Variants in LRRC3B observed in about 807,000 individuals in gnomAD.
The protein encoded by LRRC3B is leucine-rich repeat-containing protein 3B.
Under a neutral mutation model 12.8 loss-of-function variants are expected in LRRC3B, and 2 were observed. The observed-to-expected ratio is 0.16, with a 90% CI of 0.06 to 0.49. LRRC3B has a LOEUF of 0.49. LRRC3B is among the 20% of genes least tolerant of loss of function. The pLI is 0.96. For synonymous variants in LRRC3B, 132 were observed against 122.0 expected (o/e 1.08, Z -0.54); for missense variants, 189 against 319.4 (o/e 0.59, Z 3.11).
At chr3:26,675,475 A>G (rs1178959101) in intron 1 of LRRC3B, among the ~76,000 whole-genome samples, 1 of 152,206 alleles carries the variant, frequency 6.6e-6, no homozygotes. Context: ...GTGGCATGGA[A>G]ACAGTTAATT....
chr3:26,698,596 T>G (rs1443964395), intron 1 of LRRC3B, among the ~76,000 whole-genome samples: 1 of 152,082 alleles, frequency 6.6e-6, no homozygotes, highest in Non-Finnish European at 1.5e-5. Context: ...TACCCCAAAT[T>G]TTTACTTGAA....
intron 1 of LRRC3B, among the ~76,000 whole-genome samples, chr3:26,655,019 T>C (rs1699341181): frequency 6.6e-6 from 1 of 152,166 alleles, no homozygotes; most frequent in Non-Finnish European, 1.5e-5. Flanking sequence ...AAAGGATATC[T>C]ACGTCTTCAT....
At chr3:26,645,061 A>C (rs1699114478) in intron 1 of LRRC3B, among the ~76,000 whole-genome samples, 1 of 152,208 alleles carries the variant, frequency 6.6e-6, no homozygotes, top group Non-Finnish European at 1.5e-5. Context: ...GGGAAAGCAA[A>C]CATGACAGAA....
At chr3:26,624,600 G>A (rs766295018) in intron 1 of LRRC3B, 1 of 152,822 alleles carries the variant, frequency 6.5e-6, no homozygotes, top group Non-Finnish European at 1.5e-5. Context: ...TGGGCGGAGC[G>A]AGGGAGTGGG....
At chr3:26,686,236 C>A (rs991447506) in intron 1 of LRRC3B, among the ~76,000 whole-genome samples, 3 of 152,052 alleles carry the variant, frequency 2.0e-5, no homozygotes, top group Non-Finnish European at 2.9e-5. Flanking sequence ...CCCGCCACCA[C>A]GCCCGGCTAA....
intron 1 of LRRC3B, among the ~76,000 whole-genome samples, chr3:26,641,829 A>C (rs1444787144): frequency 6.6e-6 from 1 of 152,222 alleles, no homozygotes; most frequent in Non-Finnish European, 1.5e-5. Context: ...AGTAGTTCTC[A>C]AACTTTTTGG....
rs1298635555 is a variant in LRRC3B at position 26,691,103 on chromosome 3, G to GTATATATATA, written c.-160-18409_-160-18408insATATATATAT. ...TGTGTGTGTGTATATGTGTGTGTGTGTGTATATATATATATATATATATAT... is the reference window on the plus strand; with the variant it reads ...TGTGTGTGTGTATATGTGTGTGTGTGTATATATATATGTATATATATATATATATATATAT... On this transcript the variant is annotated intron_variant, in intron 1 of 1. Coordinates refer to ENST00000396641, the Ensembl canonical transcript of LRRC3B. Among the ~76,000 whole-genome samples, 349 of 44,848 alleles carry GTATATATATA rather than the reference G, an allele frequency of 7.8e-3. 1 individual carries two copies. The highest frequency in any genetic ancestry group is 0.04 in the Middle Eastern group (2 of 50). The allele number at this position is 44,848 out of a possible 152,430, so 29.4% of individuals were successfully genotyped here.
chr3:26,651,652 C>T lies in LRRC3B; in HGVS notation c.-161+28415C>T, dbSNP rs552460375. Among the ~76,000 whole-genome samples, 4 of 152,290 alleles carry T rather than the reference C, an allele frequency of 2.6e-5. No homozygotes were observed. In the South Asian group the frequency reaches 8.3e-4, roughly 32 times the overall value. ...AGTGTAGTAACATATTCTGAAGAGA[C>T]ATTTCATCTCTTCTCTCTGGGGCTC... On this transcript the variant is annotated intron_variant, in intron 1 of 1. Coordinates refer to ENST00000396641, the Ensembl canonical transcript of LRRC3B.
chr3:26,700,350 T>C (rs1700422843), intron 1 of LRRC3B, among the ~76,000 whole-genome samples: 1 of 152,090 alleles, frequency 6.6e-6, no homozygotes, highest in African/African-American at 2.4e-5. Flanking sequence ...ATATAAAAAG[T>C]GGCCAGGAAA....
rs553623234 is a variant in LRRC3B, at chr3:26,641,532, G to C, written c.-161+18295G>C. On this transcript the variant is annotated intron_variant, in intron 1 of 1. Transcript: ENST00000396641. ...GGAAATCTGGGAAACATGTTCCCAC[G>C]TAGCTAAGTCAACACAATAGAAAAC... is the stretch of plus-strand genomic sequence containing the variant. 6.6e-5 allele frequency among the ~76,000 whole-genome samples: 10 copies of C among 152,252 alleles called. No individual in the cohort carries two copies. In the East Asian group the frequency reaches 1.2e-3, roughly 18 times the overall value.
At position 26,638,598 on chromosome 3, in the gene LRRC3B, A is replaced by T. The variant is rs527922359; in HGVS notation, c.-161+15361A>T. Among the ~76,000 whole-genome samples, 6 of 152,354 alleles carry T rather than the reference A, an allele frequency of 3.9e-5. No homozygotes were observed. The East Asian group carries it at 1.2e-3, about 29-fold the overall frequency. On this transcript the variant is annotated intron_variant, in intron 1 of 1. Transcript: ENST00000396641. ...AATAAGACCTGCAGATGGGATTATA[A>T]AAAGAATGTAATTTACTGGTTGTTA...
chr3:26,707,228 G>T (rs964590249), intron 1 of LRRC3B, among the ~76,000 whole-genome samples: 3 of 151,220 alleles, frequency 2.0e-5, no homozygotes, highest in Admixed American at 1.3e-4. Flanking sequence ...AGCTGGGCGT[G>T]GTGGTGTGTG....
chr3:26,637,599 T>C (rs1439865730), intron 1 of LRRC3B, among the ~76,000 whole-genome samples: 1 of 152,224 alleles, frequency 6.6e-6, no homozygotes, highest in Non-Finnish European at 1.5e-5. Context: ...CCATCTCTAG[T>C]AATACGTGGA....
intron 1 of LRRC3B, among the ~76,000 whole-genome samples, chr3:26,644,222 G>A (rs1220462146): frequency 6.6e-6 from 1 of 152,234 alleles, no homozygotes; most frequent in Admixed American, 6.5e-5. Context: ...CTTGAAGGTA[G>A]TATTCGAGTG....
intron 1 of LRRC3B, among the ~76,000 whole-genome samples, chr3:26,626,884 A>C (rs1420766797): frequency 6.6e-6 from 1 of 152,176 alleles, no homozygotes; most frequent in Non-Finnish European, 1.5e-5. Context: ...GAGTTGCTTC[A>C]TCCTTCTGCA....
chr3:26,649,750 A>G (rs1265465686), intron 1 of LRRC3B, among the ~76,000 whole-genome samples: 1 of 152,200 alleles, frequency 6.6e-6, no homozygotes, highest in Non-Finnish European at 1.5e-5. Flanking sequence ...TAAACTATCT[A>G]TAATGCCAAA....
intron 1 of LRRC3B, among the ~76,000 whole-genome samples, chr3:26,708,948 T>C (rs752974724): frequency 2.0e-5 from 3 of 152,220 alleles, no homozygotes; most frequent in Non-Finnish European, 4.4e-5. Flanking sequence ...TCCTGGAGGT[T>C]CTTGGTTGTC....
Position 26,709,935 on chromosome 3 carries a change from A to ATCAACTGAGAGTTCTCAACCTGT in LRRC3B, c.264_286dup (p.Ser96PhefsTer3). ...CCCAATGAAATTTTTAAGGACCTCC[A>ATCAACTGAGAGTTCTCAACCTGT]TCAACTGAGAGTTCTCAACCTGTCC... On this transcript the variant is annotated frameshift_variant, in exon 2 of 2. Coordinates refer to ENST00000396641, the Ensembl canonical transcript of LRRC3B. LOFTEE classifies it high-confidence loss of function. 6.2e-7 allele frequency: 1 copy of ATCAACTGAGAGTTCTCAACCTGT among 1,614,130 alleles called. No homozygotes were observed. Among genetic ancestry groups the ATCAACTGAGAGTTCTCAACCTGT allele is most frequent in the Non-Finnish European group, 8.5e-7 (1 of 1,180,024 alleles).
At chr3:26,638,007 T>A (rs1422285801) in intron 1 of LRRC3B, among the ~76,000 whole-genome samples, 3 of 152,236 alleles carry the variant, frequency 2.0e-5, no homozygotes, top group African/African-American at 7.2e-5. Flanking sequence ...ATTTGAACTT[T>A]CCAATTTTGC....
Sources: allele counts gnomAD v4.1 joint callset (sites outside exome capture counted in the v4.1 genomes callset), GRCh38; gene constraint gnomAD v4.1.1; transcripts MANE v1.5; gene names NCBI Gene and HGNC (gene_info 2026-07-23, HGNC 2026-07-21).